The following HMG20B variants were observed in gnomAD, a reference collection of about 807,000 sequenced individuals.
The protein encoded by HMG20B is SWI/SNF-related matrix-associated actin-dependent regulator of chromatin subfamily E member 1-related.
A neutral mutation model predicts 41.6 loss-of-function variants in HMG20B; 24 were observed. The ratio of observed to expected loss-of-function variants is 0.58; its 90% CI spans 0.42 to 0.81. The LOEUF is 0.81. Ranked by LOEUF, HMG20B falls within the 30% of genes least tolerant of loss-of-function variation. HMG20B has a pLI of 0.00. For missense variants in HMG20B, 461 were observed against 444.0 expected (o/e 1.04, Z -0.34); for synonymous variants, 251 against 186.6 (o/e 1.34, Z -2.81).
intron 9 of HMG20B, 118 bp from the exon 10 acceptor site, chr19:3,578,391 C>T (rs1294568899): frequency 3.6e-6 from 5 of 1,384,208 alleles, no homozygotes; most frequent in Non-Finnish European, 4.8e-6. Flanking sequence ...ACGCCTGTCC[C>T]CCAACCCTGG....
chr19:3,577,192 C>T, intron 8 of HMG20B, 85 bp downstream of exon 8: 3 of 1,054,690 alleles, frequency 2.8e-6, no homozygotes, highest in Non-Finnish European at 2.6e-6. Context: ...CCCCCTTCCC[C>T]TGTCGCCCGG....
At position 3,573,690 on chromosome 19, in the gene HMG20B, A is replaced by G; in HGVS notation, c.39-2A>G. 6.7e-7 allele frequency: 1 copy of G among 1,500,802 alleles called. No individual in the cohort carries two copies. The highest frequency in any genetic ancestry group is 1.4e-5 in the South Asian group (1 of 73,016). 93.0% of individuals were successfully genotyped at this position (1,500,802 alleles called of 1,614,324 possible). ...GGCTGACCGCGGTATCCTTGGCTCC[A>G]GGCCGGCGGGCGGCAAGGCTCCGGG... On this transcript the variant is annotated splice_acceptor_variant, in intron 2 of 9. Coordinates refer to ENST00000333651, the MANE Select transcript of HMG20B (RefSeq NM_006339.3). LOFTEE classifies it high-confidence loss of function.
chr19:3,576,834 A>C, intron 7 of HMG20B, 58 bp from the exon 8 acceptor site: 1 of 1,527,822 alleles, frequency 6.5e-7, no homozygotes, highest in South Asian at 1.2e-5. Context: ...CCCGGGCAAA[A>C]GCCCGGAGGT....
At chr19:3,574,639 C>T (rs1414163147) in intron 4 of HMG20B, 53 bp downstream of exon 4, 5 of 1,474,482 alleles carry the variant, frequency 3.4e-6, no homozygotes, top group Non-Finnish European at 4.6e-6. Flanking sequence ...GACTACCCCC[C>T]AGTAGCCCCG....
In HMG20B at chr19:3,577,024, A is replaced by C; in HGVS notation, c.725A>C (p.Glu242Ala). The C allele has an allele frequency of 1.3e-6, 2 of 1,552,542 alleles. No individual in the cohort carries two copies. Among genetic ancestry groups the C allele is most frequent in the Non-Finnish European group, 1.7e-6 (2 of 1,149,200 alleles). Reference sequence around the variant, plus strand: ...CTGGAGCAGGAGCTGGCGCTGGAGGAGCGGAGGACGCTGGCGCTGCAGCAG... The same window carrying C: ...CTGGAGCAGGAGCTGGCGCTGGAGGCGCGGAGGACGCTGGCGCTGCAGCAG... ...ERLEQELALEERRTLALQQQL... is the reference protein window; with the variant it reads ...ERLEQELALEARRTLALQQQL... Residue 242 changes from glutamate (E) to alanine (A), a missense_variant, in exon 8 of 10, where the codon GAG (glutamate) becomes GCG (alanine). This residue lies in a region of HMG20B where 308 missense variants were observed against 283.4 expected (regional missense o/e 1.09). Transcript: ENST00000333651.
chr19:3,574,385 G>A lies in HMG20B; in HGVS notation c.150G>A (p.Pro50=), dbSNP rs2032112474. 2.6e-6 allele frequency: 4 copies of A among 1,532,842 alleles called. No individual in the cohort carries two copies. In the South Asian group the frequency reaches 3.5e-5, roughly 13 times the overall value. The allele number at this position is 1,532,842 out of a possible 1,614,324, so 95.0% of individuals were successfully genotyped here. Reference sequence around the variant, plus strand: ...AACGACGCAGCCCGGTTCTGCAGCCGGTGAAGAAACGCGGCTGGCCCAAGG... The same window carrying A: ...AACGACGCAGCCCGGTTCTGCAGCCAGTGAAGAAACGCGGCTGGCCCAAGG... ...AGEKGSHEEE[P]VKKRGWPKGK... The change falls in exon 4 of 10, where the codon CCG becomes CCA. Residue 50 remains proline (P), a splice_region_variant and synonymous_variant. Coordinates refer to ENST00000333651, the MANE Select transcript of HMG20B (RefSeq NM_006339.3).
At chr19:3,576,359 T>C in intron 6 of HMG20B, 52 bp downstream of exon 6, 1 of 1,577,194 alleles carries the variant, frequency 6.3e-7, no homozygotes, top group South Asian at 1.1e-5. Context: ...GTCTGGAGGC[T>C]TCTAGAACCC....
intron 4 of HMG20B, among the ~76,000 whole-genome samples, chr19:3,574,854 G>C (rs1296277507): frequency 1.3e-5 from 2 of 152,172 alleles, no homozygotes; most frequent in Non-Finnish European, 2.9e-5. Context: ...AGGTAGCTGG[G>C]ATTACAGGCG....
chr19:3,573,767 A>G lies in HMG20B; in HGVS notation c.114A>G (p.Pro38=). The G allele has an allele frequency of 1.9e-6, 3 of 1,568,140 alleles. No homozygotes were observed. Among genetic ancestry groups the G allele is most frequent in the Non-Finnish European group, 2.6e-6 (3 of 1,160,420 alleles). ...TCAAGCAAGAGCGCGGCGAGGGTCC[A>G]CGCGCGGGCGAGAAGGGGTCCCACG... ...VTVKQERGEG[P]RAGEKGSHEE... Residue 38 remains proline, a synonymous_variant, in exon 3 of 10, where the codon CCA becomes CCG. Coordinates refer to ENST00000333651, the MANE Select transcript of HMG20B (RefSeq NM_006339.3).
chr19:3,577,006 A>G lies in HMG20B; in HGVS notation c.707A>G (p.Gln236Arg), dbSNP rs759814199. ...AGCAGCGCGCGCGAGCGTCTGGAGC[A>G]GGAGCTGGCGCTGGAGGAGCGGAGG... ...SMSSARERLE[Q>R]ELALEERRTL... The change falls in exon 8 of 10, where the codon CAG (glutamine) becomes CGG (arginine). Residue 236 changes from glutamine to arginine, a missense_variant. Around this residue, in one of 3 missense-constraint regions of HMG20B, gnomAD observed 308 missense variants for 283.4 expected, o/e 1.09. Transcript: ENST00000333651. 32 of 1,558,756 alleles carry G rather than the reference A, an allele frequency of 2.1e-5. No individual in the cohort carries two copies. Among genetic ancestry groups the G allele is most frequent in the Non-Finnish European group, 2.8e-5 (32 of 1,152,708 alleles).
At chr19:3,578,414 C>G in intron 9 of HMG20B, 95 bp from the exon 10 acceptor site, 1 of 1,429,086 alleles carries the variant, frequency 7.0e-7, no homozygotes, top group Non-Finnish European at 9.3e-7. Context: ...TCTGTTGGAG[C>G]AGCTGATGGG....
intron 3 of HMG20B, chr19:3,574,095 ACCACGCCCACCAAGCAGAGG>A: frequency 4.8e-6 from 3 of 631,544 alleles, no homozygotes; most frequent in East Asian, 2.8e-5. Flanking sequence ...CCAGCAGAAA[ACCACGCCCACCAAGCAGAGG>A]CCACGCCCAC....
intron 3 of HMG20B, 64 bp from the exon 4 acceptor site, chr19:3,574,319 G>T: frequency 1.0e-6 from 1 of 975,534 alleles, no homozygotes; most frequent in Non-Finnish European, 1.5e-6. Flanking sequence ...CCCCGCCCAT[G>T]CCCCTCTGAG....
At chr19:3,578,390 C>G in intron 9 of HMG20B, 119 bp from the exon 10 acceptor site, 2 of 1,378,902 alleles carry the variant, frequency 1.5e-6, no homozygotes, top group Non-Finnish European at 9.7e-7. Flanking sequence ...AACGCCTGTC[C>G]CCCAACCCTG....
At chr19:3,578,306 G>A in intron 9 of HMG20B, 193 bp downstream of exon 9, 1 of 1,121,326 alleles carries the variant, frequency 8.9e-7, no homozygotes, top group Non-Finnish European at 1.2e-6. Context: ...CGGGCCGGCG[G>A]GACCCACTCG....
At chr19:3,577,218 C>T (rs1260148858) in intron 8 of HMG20B, 111 bp downstream of exon 8, 23 of 780,096 alleles carry the variant, frequency 2.9e-5, no homozygotes, top group Non-Finnish European at 4.4e-5. Flanking sequence ...CCCATCGCCC[C>T]GTCCCCTCTT....
rs779840515 is a variant in HMG20B at position 3,578,066 on chromosome 19, C to G, written c.894C>G (p.His298Gln). 6.2e-7 allele frequency: 1 copy of G among 1,611,404 alleles called. No individual in the cohort carries two copies. Among genetic ancestry groups the G allele is most frequent in the South Asian group, 1.1e-5 (1 of 91,068 alleles). ...CCATCGAGCGCGACCCCGCCCAGCACGAGAAGCTCATCGTCCGCATCAAGG... is the reference window on the plus strand; with the variant it reads ...CCATCGAGCGCGACCCCGCCCAGCAGGAGAAGCTCATCGTCCGCATCAAGG... ...HGAIERDPAQ[H>Q]EKLIVRIKEI... The change falls in exon 9 of 10, where the codon CAC (histidine) becomes CAG (glutamine). Residue 298 changes from histidine (H) to glutamine (Q), a missense_variant. Physicochemically the swap from His to Gln is conservative, Grantham distance 24. Around this residue, in one of 3 missense-constraint regions of HMG20B, gnomAD observed 308 missense variants for 283.4 expected, o/e 1.09. Transcript: ENST00000333651.
At chr19:3,576,126 A>G in intron 5 of HMG20B, 135 bp from the exon 6 acceptor site, 5 of 738,272 alleles carry the variant, frequency 6.8e-6, no homozygotes, top group Admixed American at 4.1e-5. Flanking sequence ...CTCACTCGGT[A>G]CAGCGATGGG....
chr19:3,574,106 C>G, intron 3 of HMG20B: 1 of 630,956 alleles, frequency 1.6e-6, no homozygotes, highest in South Asian at 1.7e-5. Context: ...CCACGCCCAC[C>G]AAGCAGAGGC....
Sources: allele counts gnomAD v4.1 joint callset (sites outside exome capture counted in the v4.1 genomes callset), GRCh38; gene constraint gnomAD v4.1.1; regional missense constraint gnomAD v4.1.1; transcripts MANE v1.5; gene names NCBI Gene and HGNC (gene_info 2026-07-23, HGNC 2026-07-21).